Variants in NSUN6 observed in about 807,000 individuals in gnomAD.
NSUN6 encodes NOP2/Sun RNA methyltransferase 6.
A neutral mutation model predicts 58.0 loss-of-function variants in NSUN6; 64 were observed. The ratio of observed to expected loss-of-function variants is 1.10; its 90% CI spans 0.90 to 1.36. NSUN6 has a LOEUF of 1.36. Ranked by LOEUF, NSUN6 falls within the 40% of genes most tolerant of loss-of-function variation. NSUN6 has a pLI of 0.00. For synonymous variants in NSUN6, 231 were observed against 193.9 expected, an observed-to-expected ratio of 1.19 and a Z score of -1.59; for missense variants, 701 against 550.1, an observed-to-expected ratio of 1.27 and a Z score of -2.74.
chr10:18,588,838 C>T (rs533206630), intron 7 of NSUN6, among the ~76,000 whole-genome samples: 3 of 152,282 alleles, frequency 2.0e-5, no homozygotes, highest in South Asian at 4.2e-4. Context: ...GCTGAAAATT[C>T]CAAAAACCAG....
At chr10:18,580,457 C>G (rs928049373) in intron 8 of NSUN6, among the ~76,000 whole-genome samples, 7 of 152,118 alleles carry the variant, frequency 4.6e-5, no homozygotes, top group African/African-American at 1.7e-4. Flanking sequence ...GTTTCATGTG[C>G]CCCAGTTCCA....
chr10:18,575,881 G>T (rs556758241), intron 8 of NSUN6, among the ~76,000 whole-genome samples: 1 of 152,116 alleles, frequency 6.6e-6, no homozygotes, highest in Non-Finnish European at 1.5e-5. Flanking sequence ...TAAAACTAAA[G>T]GTCTATTAGT....
intron 6 of NSUN6, among the ~76,000 whole-genome samples, chr10:18,604,077 G>C (rs1410054394): frequency 6.6e-6 from 1 of 152,106 alleles, no homozygotes; most frequent in Admixed American, 6.5e-5. Context: ...ACCTACTCGG[G>C]AGGCTGAAGC....
intron 8 of NSUN6, among the ~76,000 whole-genome samples, chr10:18,571,504 T>C (rs2056360796): frequency 1.3e-5 from 2 of 151,172 alleles, no homozygotes; most frequent in South Asian, 4.2e-4. Context: ...TTCCATTCCA[T>C]TCCCCATTCT....
chr10:18,585,873 A>T, intron 8 of NSUN6, 76 bp downstream of exon 8: 1 of 1,067,258 alleles, frequency 9.4e-7, no homozygotes, highest in South Asian at 1.5e-5. Flanking sequence ...AAAATTATAT[A>T]CATGTCAAAA....
At chr10:18,642,313 T>C (rs1339970521) in intron 3 of NSUN6, among the ~76,000 whole-genome samples, 163 bp downstream of exon 3, 1 of 152,192 alleles carries the variant, frequency 6.6e-6, no homozygotes, top group African/African-American at 2.4e-5. Context: ...TTATTTTCCA[T>C]GACAGAGTCT....
At chr10:18,636,426 C>T (rs1478785525) in intron 3 of NSUN6, among the ~76,000 whole-genome samples, 1 of 150,120 alleles carries the variant, frequency 6.7e-6, no homozygotes, top group African/African-American at 2.4e-5. Context: ...TTTGGGAGGC[C>T]AAGGAGGGTG....
At chr10:18,546,195 G>A in intron 10 of NSUN6, 50 bp from the exon 11 acceptor site, 1 of 1,197,184 alleles carries the variant, frequency 8.4e-7, no homozygotes, top group South Asian at 1.2e-5. Context: ...TAATTAGCAA[G>A]TATGACTGCT....
intron 4 of NSUN6, among the ~76,000 whole-genome samples, chr10:18,615,268 T>C (rs1316950719): frequency 1.3e-5 from 2 of 152,188 alleles, no homozygotes; most frequent in African/African-American, 4.8e-5. Flanking sequence ...CAACTCTCAG[T>C]GTTATTTATA....
chr10:18,614,502 T>A lies in NSUN6; in HGVS notation c.533A>T (p.Glu178Val). ...ACTGAAGATTTCTTTGCGGCTTAGT[T>A]CAGAAATCCCATTTCCAAGAAATAC... The part of the protein sequence containing the change: ...TKVFLGNGIS[E>V]LSRKEIFSGL... The change falls in exon 5 of 11, where the codon GAA (glutamate) becomes GTA (valine). Residue 178 changes from glutamate to valine, a missense_variant. Transcript: ENST00000377304. 6.4e-7 allele frequency: 1 copy of A among 1,570,644 alleles called. No homozygotes were observed.
At chr10:18,641,113 TG>T (rs1483933203) in intron 3 of NSUN6, among the ~76,000 whole-genome samples, 22 of 152,136 alleles carry the variant, frequency 1.4e-4, no homozygotes, top group African/African-American at 4.1e-4. Context: ...CTTCTCTGAT[TG>T]GTAAGTAGAA....
chr10:18,566,163 C>A (rs1399610681), intron 8 of NSUN6, among the ~76,000 whole-genome samples: 1 of 145,478 alleles, frequency 6.9e-6, no homozygotes, highest in Admixed American at 6.8e-5. Flanking sequence ...CATTCCATTC[C>A]ATTCTCCATT....
At chr10:18,580,672 C>G (rs2056866188) in intron 8 of NSUN6, among the ~76,000 whole-genome samples, 1 of 152,184 alleles carries the variant, frequency 6.6e-6, no homozygotes, top group Non-Finnish European at 1.5e-5. Flanking sequence ...CCACCCCAGC[C>G]CAGCATCAAG....
At chr10:18,632,717 C>T (rs928364335) in intron 3 of NSUN6, among the ~76,000 whole-genome samples, 1 of 152,170 alleles carries the variant, frequency 6.6e-6, no homozygotes, top group Non-Finnish European at 1.5e-5. Context: ...TGCCATCTCA[C>T]ACCCGTTAGA....
At chr10:18,558,774 GGAATGGAATTGA>G (rs1315670435) in intron 8 of NSUN6, among the ~76,000 whole-genome samples, 1 of 150,252 alleles carries the variant, frequency 6.7e-6, no homozygotes, top group Non-Finnish European at 1.5e-5. Flanking sequence ...TAAGGAGAAT[GGAATGGAATTGA>G]GAATGGAATG....
chr10:18,628,754 G>A (rs1387865244), intron 3 of NSUN6, among the ~76,000 whole-genome samples: 7 of 152,184 alleles, frequency 4.6e-5, no homozygotes, highest in African/African-American at 1.7e-4. Flanking sequence ...ATGGGACTAT[G>A]TGAAAAGACC....
intron 8 of NSUN6, among the ~76,000 whole-genome samples, chr10:18,580,009 G>GT (rs1287185467): frequency 6.6e-6 from 1 of 152,036 alleles, no homozygotes; most frequent in African/African-American, 2.4e-5. Context: ...TTTCGCACCT[G>GT]TAACTACACC....
chr10:18,553,943 G>A (rs1426528642), intron 8 of NSUN6, among the ~76,000 whole-genome samples: 1 of 151,308 alleles, frequency 6.6e-6, no homozygotes, highest in South Asian at 2.1e-4. Context: ...GGAATGGAAT[G>A]GAATGGAGAA....
At chr10:18,635,586 C>T (rs2059184888) in intron 3 of NSUN6, among the ~76,000 whole-genome samples, 1 of 152,080 alleles carries the variant, frequency 6.6e-6, no homozygotes, top group South Asian at 2.1e-4. Context: ...TTTGTAATCC[C>T]AGTACTTTGG....
Sources: gnomAD v4.1 joint callset for allele counts (sites outside exome capture counted in the v4.1 genomes callset) on GRCh38, gnomAD v4.1.1 for gene constraint, MANE v1.5 for transcripts, NCBI Gene and HGNC (gene_info 2026-07-23, HGNC 2026-07-21) for gene names.